Variants in CCDC171 observed in about 807,000 individuals in gnomAD.
The protein encoded by CCDC171 is coiled-coil domain-containing protein 171.
A neutral mutation model predicts 168.2 loss-of-function variants in CCDC171; 177 were observed. The observed-to-expected ratio is 1.05, with a 90% CI of 0.93 to 1.19. The LOEUF (loss-of-function observed/expected upper bound fraction) is 1.19, where lower values mean the gene tolerates loss of function less well. Ranked by LOEUF, CCDC171 falls within the 50% of genes most tolerant of loss-of-function variation. The probability of loss-of-function intolerance (pLI) is 0.00; values close to 1 mark genes in which losing one functional copy is unlikely to be tolerated. For missense variants in CCDC171, 1,991 were observed against 1,539.0 expected, an observed-to-expected ratio of 1.29 and a Z score of -4.91; for synonymous variants, 687 against 540.8, an observed-to-expected ratio of 1.27 and a Z score of -3.75.
chr9:15,956,626 G>GA (rs748366909), intron 25 of CCDC171, among the ~76,000 whole-genome samples: 25 of 151,966 alleles, frequency 1.6e-4, no homozygotes, highest in Non-Finnish European at 3.4e-4. Flanking sequence ...TGGGAGGTGA[G>GA]AAAAAATGTG....
intron 6 of CCDC171, among the ~76,000 whole-genome samples, chr9:16,031,216 C>T (rs1366930659): frequency 6.6e-6 from 1 of 152,162 alleles, no homozygotes; most frequent in Non-Finnish European, 1.5e-5. Flanking sequence ...AATAGCTTCT[C>T]CCAACTGGAA....
At chr9:16,047,071 G>C (rs553875533) in intron 1 of CCDC171, among the ~76,000 whole-genome samples, 1 of 152,134 alleles carries the variant, frequency 6.6e-6, no homozygotes, top group African/African-American at 2.4e-5. Context: ...ACTTACCACA[G>C]TTTCCCTGGG....
chr9:16,050,822 A>G (rs1246574111), intron 1 of CCDC171, among the ~76,000 whole-genome samples: 1 of 152,196 alleles, frequency 6.6e-6, no homozygotes, highest in Non-Finnish European at 1.5e-5. Flanking sequence ...TAACCCCTCA[A>G]AGTTTTTGAA....
intron 21 of CCDC171, among the ~76,000 whole-genome samples, chr9:15,809,200 C>T (rs1326621980): frequency 6.6e-6 from 1 of 152,092 alleles, no homozygotes; most frequent in African/African-American, 2.4e-5. Flanking sequence ...AATTGTGAGC[C>T]AGGCACATGT....
intron 21 of CCDC171, among the ~76,000 whole-genome samples, chr9:15,799,158 AT>A (rs1564428956): frequency 6.9e-6 from 1 of 143,946 alleles, no homozygotes; most frequent in Non-Finnish European, 1.5e-5. Context: ...ATATATATAT[AT>A]ATATATACCA....
At chr9:16,104,128 G>T in the CCDC171 span, among the ~76,000 whole-genome samples, 4 of 151,838 alleles carry the variant, frequency 2.6e-5, no homozygotes, top group African/African-American at 4.8e-5. Context: ...CTTAAATTTA[G>T]CTGGTTAAGA....
the CCDC171 span, among the ~76,000 whole-genome samples, chr9:16,098,280 A>G: frequency 1.3e-5 from 2 of 152,184 alleles, no homozygotes; most frequent in South Asian, 4.1e-4. Flanking sequence ...AAGCATGAAC[A>G]TGTGCTTTAA....
At position 15,972,813 on chromosome 9, in the gene CCDC171, C is replaced by T. The variant is rs1026853452; in HGVS notation, c.*977C>T. The T allele has an allele frequency of 1.3e-5, 2 of 152,074 alleles. No individual in the cohort carries two copies. The highest frequency in any genetic ancestry group is 4.8e-5 in the African/African-American group (2 of 41,374). 9.4% of individuals were successfully genotyped at this position (152,074 alleles called of 1,614,324 possible). On this transcript the variant is annotated 3_prime_UTR_variant, in exon 26 of 26. Transcript: ENST00000380701. ...CACAAAAGTAAAATTGTATGTCAGG[C>T]CGAGATGTCGGGGAGCTGACAAGAT...
chr9:16,049,448 C>G (rs1833716067), intron 1 of CCDC171, among the ~76,000 whole-genome samples: 1 of 152,192 alleles, frequency 6.6e-6, no homozygotes, highest in Non-Finnish European at 1.5e-5. Context: ...TCAATGCTGG[C>G]AGGCACCATC....
intron 23 of CCDC171, among the ~76,000 whole-genome samples, chr9:15,860,449 T>C (rs1044035764): frequency 8.6e-5 from 13 of 151,950 alleles, no homozygotes; most frequent in African/African-American, 2.2e-4. Flanking sequence ...TAAGTTTTGA[T>C]ATGTTGTATT....
At chr9:15,993,385 A>C (rs1167279036) in intron 3 of CCDC171, among the ~76,000 whole-genome samples, 1 of 152,232 alleles carries the variant, frequency 6.6e-6, no homozygotes, top group African/African-American at 2.4e-5. Context: ...AAAACTGGAT[A>C]GCCATATGTA....
At chr9:15,788,835 G>T (rs2058102218) in intron 21 of CCDC171, among the ~76,000 whole-genome samples, 1 of 152,076 alleles carries the variant, frequency 6.6e-6, no homozygotes, top group Non-Finnish European at 1.5e-5. Flanking sequence ...TTACAGGTGT[G>T]AGCCACTGTG....
chr9:15,641,047 TAATC>T (rs201601087), intron 7 of CCDC171, among the ~76,000 whole-genome samples: 1,796 of 152,314 alleles, frequency 0.012, 40 homozygotes, highest in African/African-American at 0.041. Flanking sequence ...ATCGTAGAAT[TAATC>T]AGTCTATGAT....
At chr9:15,997,672 C>T (rs1169887806) in intron 3 of CCDC171, among the ~76,000 whole-genome samples, 1 of 152,146 alleles carries the variant, frequency 6.6e-6, no homozygotes, top group African/African-American at 2.4e-5. Context: ...ATTTAAAATT[C>T]CCTTGCCCTC....
intron 10 of CCDC171, among the ~76,000 whole-genome samples, chr9:15,687,274 A>G (rs192904273): frequency 1.1e-3 from 175 of 152,268 alleles, no homozygotes; most frequent in African/African-American, 4.1e-3. Context: ...TAAGAGGGAA[A>G]CTTACAACCA....
chr9:15,793,758 AGGAT>A (rs936818316), intron 21 of CCDC171, among the ~76,000 whole-genome samples: 29 of 151,914 alleles, frequency 1.9e-4, no homozygotes, highest in African/African-American at 5.8e-4. Flanking sequence ...CATATTGGCT[AGGAT>A]GGTCTCGATC....
rs185795994 is a variant in CCDC171 at position 15,973,390 on chromosome 9, A to C, written c.*1554A>C. The C allele has an allele frequency of 9.9e-4, 151 of 152,266 alleles. 1 individual carries two copies. The highest frequency in any genetic ancestry group is 3.3e-3 in the African/African-American group (138 of 41,580). 9.4% of individuals were successfully genotyped at this position (152,266 alleles called of 1,614,324 possible). On this transcript the variant is annotated 3_prime_UTR_variant, in exon 26 of 26. Transcript: ENST00000380701. ...GAGAATTTTTTTATTGGCCTTGGTAAATAAGATTTTATACTAACTATTTAT... is the reference window on the plus strand; with the variant it reads ...GAGAATTTTTTTATTGGCCTTGGTACATAAGATTTTATACTAACTATTTAT...
intron 18 of CCDC171, among the ~76,000 whole-genome samples, chr9:15,760,421 A>G (rs1270362044): frequency 6.6e-6 from 1 of 152,198 alleles, no homozygotes; most frequent in Admixed American, 6.5e-5. Flanking sequence ...TATACATTAA[A>G]GTATTGGTTA....
At chr9:16,048,540 C>G (rs1211444972) in intron 1 of CCDC171, among the ~76,000 whole-genome samples, 1 of 152,160 alleles carries the variant, frequency 6.6e-6, no homozygotes, top group African/African-American at 2.4e-5. Flanking sequence ...TGCCCCTTAT[C>G]TTTTAGAGAT....
Sources: gnomAD v4.1 joint callset for allele counts (sites outside exome capture counted in the v4.1 genomes callset) on GRCh38, gnomAD v4.1.1 for gene constraint, MANE v1.5 for transcripts, NCBI Gene and HGNC (gene_info 2026-07-23, HGNC 2026-07-21) for gene names.